FAT4: variants seen among roughly 807,000 people sequenced by gnomAD.
The protein encoded by FAT4 is FAT atypical cadherin 4.
In FAT4, 84 loss-of-function variants were observed where a neutral mutation model predicts 303.9. The ratio of observed to expected loss-of-function variants is 0.28; its 90% CI spans 0.23 to 0.33. The LOEUF is 0.33. Among genes scored for constraint, FAT4 ranks in the 10% least tolerant of loss-of-function variants. The pLI is 1.00. For synonymous variants in FAT4, 2,307 were observed against 2,298.8 expected (o/e 1.00, Z -0.10); for missense variants, 6,005 against 6,146.8 (o/e 0.98, Z 0.77).
intron 2 of FAT4, among the ~76,000 whole-genome samples, chr4:125,397,830 C>T (rs1359681102): frequency 6.6e-6 from 1 of 152,074 alleles, no homozygotes; most frequent in Non-Finnish European, 1.5e-5. Context: ...TATCACTCAT[C>T]ACTGATGGAG....
Position 125,463,640 on chromosome 4 carries a change from G to A in FAT4, c.11878G>A (p.Asp3960Asn). The A allele has an allele frequency of 6.3e-7, 1 of 1,593,802 alleles. No individual in the cohort carries two copies. Among genetic ancestry groups the A allele is most frequent in the Non-Finnish European group, 8.6e-7 (1 of 1,167,526 alleles). The change falls in exon 11 of 18, where the codon GAT becomes AAT. Residue 3960 changes from aspartate to asparagine, a missense_variant. Physicochemically the swap from Asp to Asn is conservative, Grantham distance 23. Transcript: ENST00000394329. ...TGGTGGTTCCTGCCAAAGTGGTGTG[G>A]ATTCTTATTATTGTCATTGTCCATT... is the stretch of plus-strand genomic sequence containing the variant. Reference protein sequence around the residue: ...FNGGSCQSGVDSYYCHCPFGV... With the variant: ...FNGGSCQSGVNSYYCHCPFGV...
chr4:125,331,384 T>G (rs763621433), intron 2 of FAT4, among the ~76,000 whole-genome samples: 3 of 152,292 alleles, frequency 2.0e-5, no homozygotes, highest in Non-Finnish European at 4.4e-5. Flanking sequence ...ATTTTTCATC[T>G]CTTAAGCCAA....
At position 125,451,781 on chromosome 4, in the gene FAT4, T is replaced by G. The variant is rs1278319020; in HGVS notation, c.10771T>G (p.Ser3591Ala). 6.2e-7 allele frequency: 1 copy of G among 1,614,032 alleles called. No homozygotes were observed. Among genetic ancestry groups the G allele is most frequent in the East Asian group, 2.2e-5 (1 of 44,892 alleles). ...DFYLSVVTKD[S>A]GVPQMSSTGT... is the part of the protein sequence containing the mutation. ...CTATCTGTCTGTGGTTACCAAGGAT[T>G]CTGGTGTTCCTCAAATGTCTTCCAC... is the stretch of plus-strand genomic sequence containing the variant. Residue 3591 changes from serine to alanine, a missense_variant, in exon 10 of 18, where the codon TCT (serine) becomes GCT (alanine). Transcript: ENST00000394329.
intron 10 of FAT4, among the ~76,000 whole-genome samples, chr4:125,457,193 A>G (rs1726313611): frequency 1.3e-5 from 2 of 151,744 alleles, no homozygotes; most frequent in South Asian, 4.1e-4. Flanking sequence ...AATTGTGTTA[A>G]GGATTAGAAG....
intron 14 of FAT4, 151 bp downstream of exon 14, chr4:125,477,485 A>C (rs1727071013): frequency 1.6e-6 from 1 of 626,384 alleles, no homozygotes; most frequent in Admixed American, 3.1e-5. Context: ...ATACCTTTGA[A>C]ATTTTGGCAT....
intron 2 of FAT4, among the ~76,000 whole-genome samples, chr4:125,357,234 G>A (rs924906277): frequency 6.6e-6 from 1 of 152,052 alleles, no homozygotes. Context: ...AGAAATAATA[G>A]AGTAAAATGA....
At chr4:125,354,442 A>AAAAATGAAT (rs1732350159) in intron 2 of FAT4, among the ~76,000 whole-genome samples, 1 of 151,774 alleles carries the variant, frequency 6.6e-6, no homozygotes, top group African/African-American at 2.4e-5. Flanking sequence ...GTGCTTACTC[A>AAAAATGAAT]AAAATGAATT....
At chr4:125,447,527 T>C (rs920101394) in intron 9 of FAT4, among the ~76,000 whole-genome samples, 3 of 152,142 alleles carry the variant, frequency 2.0e-5, no homozygotes, top group Non-Finnish European at 2.9e-5. Flanking sequence ...TTACATCCAA[T>C]GTGTGGTGGT....
At position 125,319,590 on chromosome 4, in the gene FAT4, G is replaced by A. The variant is rs777105921; in HGVS notation, c.3179G>A (p.Arg1060His). The part of the protein sequence containing the change: ...GQLYIKSELD[R>H]ELQDRYVLMV... ...TTGTATATAAAAAGTGAACTGGACC[G>A]TGAACTTCAAGACAGATATGTTTTA... Residue 1060 changes from arginine (R) to histidine (H), a missense_variant, in exon 2 of 18, where the codon CGT becomes CAT. By Grantham distance (29) the Arg-to-His change is conservative. Transcript: ENST00000394329. 1.1e-5 allele frequency: 18 copies of A among 1,613,730 alleles called. No homozygotes were observed. The highest frequency in any genetic ancestry group is 5.3e-5 in the African/African-American group (4 of 74,918).
chr4:125,326,603 A>C (rs1299099173), intron 2 of FAT4, among the ~76,000 whole-genome samples: 2 of 152,188 alleles, frequency 1.3e-5, no homozygotes, highest in African/African-American at 4.8e-5. Flanking sequence ...GTAACTTCAC[A>C]ATGCATCCTC....
At position 125,319,347 on chromosome 4, in the gene FAT4, G is replaced by A; in HGVS notation, c.2936G>A (p.Ser979Asn). 1.2e-6 allele frequency: 2 copies of A among 1,613,344 alleles called. No homozygotes were observed. The highest frequency in any genetic ancestry group is 1.7e-6 in the Non-Finnish European group (2 of 1,179,550). ...SDMGVPQLSS[S>N]VILTVYVHDV... is the part of the protein sequence containing the mutation. The stretch of plus-strand genomic sequence containing the variant: ...ATGGGTGTCCCACAGCTCTCCTCTA[G>A]TGTCATCTTAACAGTTTATGTCCAT... Residue 979 changes from serine to asparagine, a missense_variant, in exon 2 of 18, where the codon AGT becomes AAT. Transcript: ENST00000394329.
At chr4:125,485,865 A>G (rs1727390534) in intron 16 of FAT4, among the ~76,000 whole-genome samples, 2 of 152,208 alleles carry the variant, frequency 1.3e-5, no homozygotes, top group Admixed American at 1.3e-4. Context: ...ACTAGGCAAT[A>G]ATAATTTTTC....
rs974290368 is a variant in FAT4, at chr4:125,319,653, G to A, written c.3242G>A (p.Ser1081Asn). The stretch of plus-strand genomic sequence containing the variant: ...TCTGACAGAGCAGTGGAACCCCTTA[G>A]TGCTACTGTGAATGTTACTGTAATT... ...VASDRAVEPLSATVNVTVILE... is the reference protein window; with the variant it reads ...VASDRAVEPLNATVNVTVILE... Residue 1081 changes from serine to asparagine, a missense_variant, in exon 2 of 18, where the codon AGT becomes AAT. Physicochemically the swap from Ser to Asn is conservative, Grantham distance 46 (BLOSUM62 1). Transcript: ENST00000394329. 1.2e-6 allele frequency: 2 copies of A among 1,614,066 alleles called. No homozygotes were observed. Among genetic ancestry groups the A allele is most frequent in the Admixed American group, 1.7e-5 (1 of 60,026 alleles).
Position 125,448,665 on chromosome 4 carries a change from A to G in FAT4, c.7655A>G (p.Asp2552Gly). The stretch of plus-strand genomic sequence containing the variant: ...GATGGTGGCTCATTTCCAAAGACAG[A>G]TTCTACAACAGTGACTGTTAGATTC... ...VKDGGSFPKTDSTTVTVRFVN... is the reference protein window; with the variant it reads ...VKDGGSFPKTGSTTVTVRFVN... The change falls in exon 10 of 18, where the codon GAT (aspartate) becomes GGT (glycine). Residue 2552 changes from aspartate (D) to glycine (G), a missense_variant. Physicochemically the swap from Asp to Gly is moderately conservative, Grantham distance 94. Transcript: ENST00000394329. 1 of 1,613,976 alleles carries G rather than the reference A, an allele frequency of 6.2e-7. No homozygotes were observed. The highest frequency in any genetic ancestry group is 2.2e-5 in the East Asian group (1 of 44,868).
At chr4:125,473,582 C>T (rs576816879) in intron 12 of FAT4, among the ~76,000 whole-genome samples, 2 of 151,960 alleles carry the variant, frequency 1.3e-5, no homozygotes, top group African/African-American at 4.8e-5. Context: ...ATAATAATAT[C>T]CTAAAACTGA....
chr4:125,408,060 C>G (rs950238061), intron 4 of FAT4, among the ~76,000 whole-genome samples: 1 of 152,038 alleles, frequency 6.6e-6, no homozygotes, highest in South Asian at 2.1e-4. Context: ...AGTAGTATCA[C>G]CAGGGCATAA....
intron 2 of FAT4, among the ~76,000 whole-genome samples, chr4:125,335,424 G>T (rs146312720): frequency 7.9e-4 from 120 of 152,088 alleles, no homozygotes; most frequent in African/African-American, 2.8e-3. Context: ...TTTATTATAA[G>T]TGTCTAAAAT....
At chr4:125,384,720 A>G (rs1214455143) in intron 2 of FAT4, among the ~76,000 whole-genome samples, 1 of 151,862 alleles carries the variant, frequency 6.6e-6, no homozygotes, top group East Asian at 1.9e-4. Flanking sequence ...GTAATTTTTT[A>G]CTTAGAGCAA....
intron 2 of FAT4, among the ~76,000 whole-genome samples, chr4:125,387,411 GGCT>G (rs1408551084): frequency 6.6e-6 from 1 of 152,118 alleles, no homozygotes; most frequent in African/African-American, 2.4e-5. Context: ...TTATCATGGG[GGCT>G]GCATTGTTTC....
Sources: gnomAD v4.1 joint callset for allele counts (sites outside exome capture counted in the v4.1 genomes callset) on GRCh38, gnomAD v4.1.1 for gene constraint, MANE v1.5 for transcripts, NCBI Gene and HGNC (gene_info 2026-07-23, HGNC 2026-07-21) for gene names.